Variants in CSMD1 observed in about 807,000 individuals in gnomAD.
The protein encoded by CSMD1 is CUB and sushi domain-containing protein 1.
Under a neutral mutation model 417.5 loss-of-function variants are expected in CSMD1, and 213 were observed. That is an observed-to-expected ratio of 0.51 (90% CI 0.46 to 0.57). CSMD1 has a LOEUF of 0.57. CSMD1 is among the 20% of genes least tolerant of loss of function. The pLI is 0.00. For synonymous variants in CSMD1, 2,862 were observed against 1,736.8 expected, an observed-to-expected ratio of 1.65 and a Z score of -16.11; for missense variants, 6,923 against 4,529.7, an observed-to-expected ratio of 1.53 and a Z score of -15.17.
At chr8:4,839,891 G>A (rs901363056) in intron 1 of CSMD1, among the ~76,000 whole-genome samples, 2 of 152,160 alleles carry the variant, frequency 1.3e-5, no homozygotes, top group African/African-American at 4.8e-5. Context: ...CTATTCTGAG[G>A]AACAACTAAC....
At chr8:4,372,893 C>G (rs1190183728) in intron 3 of CSMD1, among the ~76,000 whole-genome samples, 1 of 152,142 alleles carries the variant, frequency 6.6e-6, no homozygotes, top group South Asian at 2.1e-4. Context: ...CTCAAGAAGG[C>G]AAAGTGTAAC....
intron 52 of CSMD1, among the ~76,000 whole-genome samples, chr8:3,012,778 C>G (rs1272144533): frequency 6.6e-6 from 1 of 152,158 alleles, no homozygotes; most frequent in African/African-American, 2.4e-5. Flanking sequence ...TCCAAAAGCT[C>G]TCTTTCTCTG....
chr8:4,182,511 G>A (rs9314520), intron 3 of CSMD1, among the ~76,000 whole-genome samples: 44,849 of 152,000 alleles, frequency 0.3, 6,867 homozygotes, highest in South Asian at 0.4. Context: ...GCGAAATGTT[G>A]GACGGGCTAT....
At chr8:4,489,758 G>C (rs890076841) in intron 2 of CSMD1, among the ~76,000 whole-genome samples, 2 of 152,208 alleles carry the variant, frequency 1.3e-5, no homozygotes, top group Non-Finnish European at 2.9e-5. Flanking sequence ...CGCGGTGTGA[G>C]ATGTTTGCCA....
At chr8:4,120,852 A>G (rs1290902513) in intron 3 of CSMD1, among the ~76,000 whole-genome samples, 2 of 152,172 alleles carry the variant, frequency 1.3e-5, no homozygotes, top group South Asian at 2.1e-4. Flanking sequence ...GTCTTTTAAA[A>G]TTACAGAAAC....
chr8:4,597,282 G>A (rs796401087), intron 2 of CSMD1, among the ~76,000 whole-genome samples: 3 of 152,188 alleles, frequency 2.0e-5, no homozygotes, highest in Non-Finnish European at 2.9e-5. Flanking sequence ...TTGAGAAATA[G>A]ATATCAATGT....
intron 2 of CSMD1, among the ~76,000 whole-genome samples, chr8:4,554,379 T>C (rs112158943): frequency 1.1e-3 from 161 of 152,266 alleles, no homozygotes; most frequent in African/African-American, 3.7e-3. Context: ...TCAGGTGATC[T>C]ACCTGCCTCG....
intron 1 of CSMD1, among the ~76,000 whole-genome samples, chr8:4,779,737 A>T (rs1337598334): frequency 6.6e-6 from 1 of 152,144 alleles, no homozygotes; most frequent in African/African-American, 2.4e-5. Context: ...AAGTGTAAAT[A>T]AGAAATAAAT....
chr8:4,941,849 C>G (rs1378295881), intron 1 of CSMD1, among the ~76,000 whole-genome samples: 4 of 152,188 alleles, frequency 2.6e-5, no homozygotes. Context: ...ATCCTCCCAC[C>G]TCAGCCTACC....
intron 7 of CSMD1, among the ~76,000 whole-genome samples, chr8:3,636,850 C>G (rs1330044535): frequency 1.3e-5 from 2 of 152,090 alleles, no homozygotes; most frequent in African/African-American, 4.8e-5. Flanking sequence ...ATGTCCCTTC[C>G]AAGACTCATG....
chr8:4,609,012 GAAA>G (rs60439250), intron 2 of CSMD1, among the ~76,000 whole-genome samples: 108 of 138,324 alleles, frequency 7.8e-4, no homozygotes, highest in African/African-American at 2.7e-3. Flanking sequence ...CTTGAATGTA[GAAA>G]AAAAAAAAAA....
At chr8:4,144,384 T>C (rs1803983339) in intron 3 of CSMD1, among the ~76,000 whole-genome samples, 2 of 151,198 alleles carry the variant, frequency 1.3e-5, no homozygotes. Context: ...TTTTTAGAAC[T>C]TAATTTATCT....
rs575652197 is a variant in CSMD1 at position 3,994,645 on chromosome 8, C to G, written c.818+3258G>C. Among the ~76,000 whole-genome samples, 7 of 152,052 alleles carry G rather than the reference C, an allele frequency of 4.6e-5. No homozygotes were observed. The East Asian group carries it at 1.4e-3, about 29-fold the overall frequency. ...AGTTAAAAAAAAAAGTCAGTTTCAA[C>G]TAATGTACCTATAGCCTATGAGGCT... is the stretch of plus-strand genomic sequence containing the variant. On this transcript the variant is annotated intron_variant, in intron 5 of 69. Coordinates refer to ENST00000635120, the MANE Select transcript of CSMD1 (RefSeq NM_033225.6).
intron 17 of CSMD1, among the ~76,000 whole-genome samples, chr8:3,388,326 G>C (rs758952432): frequency 1.3e-5 from 2 of 152,134 alleles, no homozygotes; most frequent in African/African-American, 4.8e-5. Flanking sequence ...ATATCATTAT[G>C]AGAGTTTCTT....
chr8:2,995,688 T>C (rs894553427), intron 54 of CSMD1, among the ~76,000 whole-genome samples: 3 of 152,146 alleles, frequency 2.0e-5, no homozygotes, highest in African/African-American at 7.2e-5. Context: ...AACTGTTACA[T>C]CTGTACCATG....
chr8:4,421,469 A>G (rs926674523), intron 2 of CSMD1, among the ~76,000 whole-genome samples: 1 of 152,172 alleles, frequency 6.6e-6, no homozygotes, highest in Non-Finnish European at 1.5e-5. Context: ...AAATAACTGA[A>G]ATCATATAGC....
At chr8:4,671,068 A>G (rs1162352774) in intron 1 of CSMD1, among the ~76,000 whole-genome samples, 1 of 152,240 alleles carries the variant, frequency 6.6e-6, no homozygotes, top group African/African-American at 2.4e-5. Context: ...CAAATATTAC[A>G]AAGCAGAACC....
At chr8:4,480,631 G>T (rs1563219144) in intron 2 of CSMD1, among the ~76,000 whole-genome samples, 1 of 152,274 alleles carries the variant, frequency 6.6e-6, no homozygotes, top group Middle Eastern at 3.4e-3. Context: ...CACGTCTGTG[G>T]GCCATTCTCT....
chr8:4,386,815 G>A (rs912555746), intron 3 of CSMD1, among the ~76,000 whole-genome samples: 3 of 152,172 alleles, frequency 2.0e-5, no homozygotes, highest in Non-Finnish European at 4.4e-5. Context: ...CTGGGCTCTT[G>A]GGATTAATGT....
Sources: gnomAD v4.1 joint callset for allele counts (sites outside exome capture counted in the v4.1 genomes callset) on GRCh38, gnomAD v4.1.1 for gene constraint, MANE v1.5 for transcripts, NCBI Gene and HGNC (gene_info 2026-07-23, HGNC 2026-07-21) for gene names.